The following RIMS2 variants were observed in gnomAD, a reference collection of about 807,000 sequenced individuals.
The protein encoded by RIMS2 is regulating synaptic membrane exocytosis 2.
Under a neutral mutation model 174.4 loss-of-function variants are expected in RIMS2, and 59 were observed. The observed-to-expected ratio is 0.34, with a 90% CI of 0.27 to 0.42. RIMS2 has a LOEUF of 0.42. RIMS2 is among the 10% of genes least tolerant of loss of function. RIMS2 has a pLI of 1.00. For missense variants in RIMS2, 1,620 were observed against 1,666.3 expected (o/e 0.97, Z 0.48); for synonymous variants, 606 against 572.5 (o/e 1.06, Z -0.84).
At chr8:103,708,065 T>A (rs1207510652) in intron 2 of RIMS2, among the ~76,000 whole-genome samples, 1 of 152,184 alleles carries the variant, frequency 6.6e-6, no homozygotes, top group African/African-American at 2.4e-5. Flanking sequence ...GATGCAGGCA[T>A]TCTCTAATGG....
At chr8:104,026,027 A>T (rs1231509349) in intron 19 of RIMS2, among the ~76,000 whole-genome samples, 1 of 152,206 alleles carries the variant, frequency 6.6e-6, no homozygotes, top group African/African-American at 2.4e-5. Flanking sequence ...GAAATCACCT[A>T]ACAATGCATT....
At chr8:103,975,295 C>G in intron 15 of RIMS2, 55 bp from the exon 18 acceptor site, 1 of 1,237,390 alleles carries the variant, frequency 8.1e-7, no homozygotes, top group Non-Finnish European at 1.1e-6. Flanking sequence ...GTAGAAGAGA[C>G]GCAAAGGACT....
chr8:103,731,129 C>G (rs76042468), intron 2 of RIMS2, among the ~76,000 whole-genome samples: 18,894 of 152,150 alleles, frequency 0.12, 1,275 homozygotes, highest in Middle Eastern at 0.22. Context: ...AATTACCTCC[C>G]ACAGGGTCCC....
intron 19 of RIMS2, among the ~76,000 whole-genome samples, chr8:104,074,138 G>A (rs956478907): frequency 6.6e-6 from 1 of 152,146 alleles, no homozygotes; most frequent in South Asian, 2.1e-4. Context: ...GAGAAAAGTT[G>A]AGGCTTGTTA....
intron 3 of RIMS2, chr8:103,819,587 T>A: frequency 6.2e-7 from 1 of 1,613,598 alleles, no homozygotes; most frequent in Non-Finnish European, 8.5e-7. Context: ...CCACCAAATA[T>A]CTTACAAAAT....
intron 19 of RIMS2, among the ~76,000 whole-genome samples, chr8:104,135,583 G>A (rs891132489): frequency 3.4e-5 from 5 of 146,062 alleles, no homozygotes; most frequent in African/African-American, 7.7e-5. Flanking sequence ...TCCAGCCTGG[G>A]TGCCAGAGTG....
chr8:103,540,378 A>T (rs772414417), intron 1 of RIMS2, among the ~76,000 whole-genome samples: 1 of 152,208 alleles, frequency 6.6e-6, no homozygotes, highest in Non-Finnish European at 1.5e-5. Flanking sequence ...TTGGCCGCTG[A>T]GGATCCTTGC....
intron 2 of RIMS2, among the ~76,000 whole-genome samples, chr8:103,735,495 C>T (rs2097674320): frequency 6.6e-6 from 1 of 151,390 alleles, no homozygotes; most frequent in Non-Finnish European, 1.5e-5. Flanking sequence ...ATTTGAAGTT[C>T]TTTTGGTTTT....
At chr8:104,148,212 A>C (rs2098659416) in intron 19 of RIMS2, among the ~76,000 whole-genome samples, 1 of 144,884 alleles carries the variant, frequency 6.9e-6, no homozygotes, top group Non-Finnish European at 1.5e-5. Flanking sequence ...CACTTGTCTA[A>C]TTACCTTTTG....
At chr8:104,046,360 G>T (rs2154558239) in intron 19 of RIMS2, among the ~76,000 whole-genome samples, 1 of 152,078 alleles carries the variant, frequency 6.6e-6, no homozygotes, top group Non-Finnish European at 1.5e-5. Flanking sequence ...CATTTTAGTT[G>T]TTAGGGTTTC....
At chr8:104,079,499 A>T (rs1325437755) in intron 19 of RIMS2, among the ~76,000 whole-genome samples, 1 of 150,864 alleles carries the variant, frequency 6.6e-6, no homozygotes, top group Admixed American at 6.6e-5. Flanking sequence ...CGCTTTATAA[A>T]ATCAGGGAGG....
At chr8:104,026,484 T>C (rs1376996014) in intron 19 of RIMS2, among the ~76,000 whole-genome samples, 1 of 152,180 alleles carries the variant, frequency 6.6e-6, no homozygotes, top group East Asian at 1.9e-4. Flanking sequence ...GCCAGGATTA[T>C]ATAGACTAAA....
intron 19 of RIMS2, among the ~76,000 whole-genome samples, chr8:104,244,242 C>A (rs967420929): frequency 6.6e-6 from 1 of 152,104 alleles, no homozygotes; most frequent in Admixed American, 6.5e-5. Context: ...CATGACTACC[C>A]GTGAACAAAA....
chr8:103,698,299 A>C (rs1209634150), intron 2 of RIMS2, among the ~76,000 whole-genome samples: 1 of 152,212 alleles, frequency 6.6e-6, no homozygotes, highest in Non-Finnish European at 1.5e-5. Context: ...GGATGAAAGC[A>C]GACGTTCCAT....
intron 18 of RIMS2, 77 bp downstream of exon 20, chr8:104,013,698 G>A: frequency 8.4e-7 from 1 of 1,193,840 alleles, no homozygotes; most frequent in Non-Finnish European, 1.2e-6. Flanking sequence ...CAGTTAACTG[G>A]TCTCTTCTAT....
At chr8:104,060,531 C>A (rs1461043358) in intron 19 of RIMS2, among the ~76,000 whole-genome samples, 10 of 151,586 alleles carry the variant, frequency 6.6e-5, no homozygotes, top group East Asian at 1.9e-4. Context: ...CTCCTGGATT[C>A]ATTAATTTTT....
intron 3 of RIMS2, among the ~76,000 whole-genome samples, chr8:103,858,166 A>G (rs745310668): frequency 3.3e-5 from 5 of 152,162 alleles, no homozygotes; most frequent in Non-Finnish European, 4.4e-5. Flanking sequence ...TAATTAGGTT[A>G]ACTTTTTGGG....
intron 19 of RIMS2, among the ~76,000 whole-genome samples, chr8:104,142,330 T>C (rs906184834): frequency 1.3e-5 from 2 of 152,018 alleles, no homozygotes; most frequent in Non-Finnish European, 2.9e-5. Context: ...GGTTTTGCCA[T>C]GTTGGCCAGG....
In RIMS2 at chr8:104,072,359, T is replaced by C. The variant is rs1428549410; in HGVS notation, c.3334+57744T>C. On this transcript the variant is annotated intron_variant, in intron 19 of 23. Transcript: ENST00000504942. Reference sequence around the variant, plus strand: ...TTTTTATTTTGATAACAAATGCAAGTTATAGAGCCTCCTACTGAGCTATGT... The same window carrying C: ...TTTTTATTTTGATAACAAATGCAAGCTATAGAGCCTCCTACTGAGCTATGT... 2.0e-5 allele frequency among the ~76,000 whole-genome samples: 3 copies of C among 152,246 alleles called. No homozygotes were observed. In the East Asian group the frequency reaches 5.8e-4, roughly 29 times the overall value.
Sources: allele counts gnomAD v4.1 joint callset (sites outside exome capture counted in the v4.1 genomes callset), GRCh38; gene constraint gnomAD v4.1.1; transcripts MANE v1.5; gene names NCBI Gene and HGNC (gene_info 2026-07-23, HGNC 2026-07-21).